GRID2: variants seen among roughly 807,000 people sequenced by gnomAD.
GRID2 encodes glutamate receptor ionotropic, delta-2.
GRID2 carries 33 observed loss-of-function variants against 114.8 expected under a neutral mutation model. The ratio of observed to expected loss-of-function variants is 0.29; its 90% CI spans 0.22 to 0.38. GRID2 has a LOEUF of 0.38. Ranked by LOEUF, GRID2 falls within the 10% of genes least tolerant of loss-of-function variation. The pLI is 1.00. For missense variants in GRID2, 1,184 were observed against 1,257.7 expected, an observed-to-expected ratio of 0.94 and a Z score of 0.89; for synonymous variants, 505 against 449.9, an observed-to-expected ratio of 1.12 and a Z score of -1.55.
chr4:93,224,968 A>G (rs1579342882), intron 7 of GRID2, among the ~76,000 whole-genome samples, 193 bp downstream of exon 7: 2 of 152,250 alleles, frequency 1.3e-5, no homozygotes, highest in South Asian at 2.1e-4. Flanking sequence ...TTATTTATTT[A>G]TAAGGGAGTT....
chr4:92,479,678 C>A (rs2149103448), intron 1 of GRID2, among the ~76,000 whole-genome samples: 1 of 152,198 alleles, frequency 6.6e-6, no homozygotes, highest in South Asian at 2.1e-4. Context: ...ATTCTTCAGA[C>A]CTTTCAATTT....
chr4:92,809,552 T>A (rs1740566966), intron 2 of GRID2, among the ~76,000 whole-genome samples: 1 of 151,956 alleles, frequency 6.6e-6, no homozygotes, highest in Admixed American at 6.6e-5. Context: ...GAAGGAGACC[T>A]CCAAAATGGT....
intron 2 of GRID2, among the ~76,000 whole-genome samples, chr4:92,760,013 G>A (rs192121512): frequency 4.6e-5 from 7 of 151,328 alleles, no homozygotes; most frequent in East Asian, 2.0e-4. Flanking sequence ...TAGCTGAGGC[G>A]GGTGGATCAC....
chr4:93,615,863 G>T (rs1276550148), intron 13 of GRID2, among the ~76,000 whole-genome samples: 3 of 150,834 alleles, frequency 2.0e-5, no homozygotes, highest in Admixed American at 2.0e-4. Context: ...ATACTCCTAT[G>T]GTTTTTTTCA....
intron 4 of GRID2, among the ~76,000 whole-genome samples, chr4:93,132,805 G>T (rs1279087621): frequency 1.3e-5 from 2 of 152,158 alleles, no homozygotes; most frequent in African/African-American, 2.4e-5. Context: ...TGCTCGATGT[G>T]CTTCGAAATA....
intron 8 of GRID2, among the ~76,000 whole-genome samples, chr4:93,295,988 A>G (rs1051218587): frequency 7.9e-5 from 12 of 152,138 alleles, no homozygotes; most frequent in Non-Finnish European, 1.5e-4. Flanking sequence ...TTTGTTTCCT[A>G]TGGCTGTCCT....
intron 2 of GRID2, among the ~76,000 whole-genome samples, chr4:92,775,800 T>G (rs1351113073): frequency 6.6e-6 from 1 of 152,152 alleles, no homozygotes; most frequent in Non-Finnish European, 1.5e-5. Context: ...ACACATGGCC[T>G]CCTCTATCAT....
At chr4:92,860,108 T>C (rs1308902820) in intron 2 of GRID2, among the ~76,000 whole-genome samples, 6 of 152,144 alleles carry the variant, frequency 3.9e-5, no homozygotes, top group Non-Finnish European at 7.4e-5. Flanking sequence ...TCTTTTTTTT[T>C]CTGGACTAAG....
At chr4:93,339,044 A>G (rs1445720805) in intron 8 of GRID2, among the ~76,000 whole-genome samples, 1 of 152,188 alleles carries the variant, frequency 6.6e-6, no homozygotes, top group Non-Finnish European at 1.5e-5. Flanking sequence ...AGACAGGTCC[A>G]TGTGGTGAGG....
At chr4:92,983,714 TA>T (rs1322658269) in intron 2 of GRID2, among the ~76,000 whole-genome samples, 1 of 152,114 alleles carries the variant, frequency 6.6e-6, no homozygotes, top group Non-Finnish European at 1.5e-5. Flanking sequence ...ATAGATAAAT[TA>T]AGTAGAAATA....
At chr4:93,674,060 C>A (rs563681915) in intron 14 of GRID2, among the ~76,000 whole-genome samples, 1 of 152,032 alleles carries the variant, frequency 6.6e-6, no homozygotes, top group Non-Finnish European at 1.5e-5. Flanking sequence ...GCATATATGG[C>A]GTCTTCTGTT....
intron 8 of GRID2, among the ~76,000 whole-genome samples, chr4:93,334,067 G>A (rs974176481): frequency 6.6e-6 from 1 of 152,052 alleles, no homozygotes; most frequent in African/African-American, 2.4e-5. Flanking sequence ...CTTTTAATGT[G>A]GACATATTGC....
chr4:93,213,851 A>G (rs1231166719), intron 5 of GRID2, among the ~76,000 whole-genome samples: 1 of 152,148 alleles, frequency 6.6e-6, no homozygotes, highest in African/African-American at 2.4e-5. Flanking sequence ...CCGACATTAA[A>G]TTATTAAAGC....
At chr4:92,597,839 G>T (rs1729026183) in intron 2 of GRID2, among the ~76,000 whole-genome samples, 1 of 152,164 alleles carries the variant, frequency 6.6e-6, no homozygotes, top group Admixed American at 6.6e-5. Context: ...ACTCGCAGTT[G>T]TAATGAGAGA....
rs549094100 is a variant in GRID2, at chr4:92,987,594, TA to T, written c.245-97392del. Among the ~76,000 whole-genome samples the T allele has an allele frequency of 1.9e-3, 288 of 148,712 alleles. 1 individual carries two copies. The highest frequency in any genetic ancestry group is 0.014 in the Middle Eastern group (4 of 290). On this transcript the variant is annotated intron_variant, in intron 2 of 15. Coordinates refer to ENST00000282020, the MANE Select transcript of GRID2 (RefSeq NM_001510.4). ...TGTACCCTAAAACTTAAAGTATAATTAAAAAAAAATAAAAATAAGAAATAAA... is the reference window on the plus strand; with the variant it reads ...TGTACCCTAAAACTTAAAGTATAATTAAAAAAAATAAAAATAAGAAATAAA...
chr4:93,435,756 T>C (rs918690461), intron 10 of GRID2, among the ~76,000 whole-genome samples: 1 of 152,180 alleles, frequency 6.6e-6, no homozygotes, highest in Non-Finnish European at 1.5e-5. Context: ...ACCAGGATAT[T>C]AGCTTAAATT....
chr4:92,577,157 A>C (rs1727935338), intron 1 of GRID2, among the ~76,000 whole-genome samples: 1 of 152,130 alleles, frequency 6.6e-6, no homozygotes, highest in Non-Finnish European at 1.5e-5. Flanking sequence ...TGGAATCTCC[A>C]TCAACTCAGT....
intron 3 of GRID2, among the ~76,000 whole-genome samples, chr4:93,103,773 G>T (rs181587174): frequency 6.6e-6 from 1 of 151,566 alleles, no homozygotes; most frequent in Non-Finnish European, 1.5e-5. Context: ...CACAAAGAAG[G>T]TTAAGAAATT....
intron 8 of GRID2, among the ~76,000 whole-genome samples, chr4:93,287,185 G>GA (rs1021841184): frequency 3.9e-5 from 6 of 152,198 alleles, no homozygotes; most frequent in African/African-American, 1.2e-4. Flanking sequence ...ACCCTATTGG[G>GA]AAAAAATATC....
Sources: allele counts gnomAD v4.1 joint callset (sites outside exome capture counted in the v4.1 genomes callset), GRCh38; gene constraint gnomAD v4.1.1; transcripts MANE v1.5; gene names NCBI Gene and HGNC (gene_info 2026-07-23, HGNC 2026-07-21).